Variants in CWC27 observed in about 807,000 individuals in gnomAD.
CWC27 encodes the protein CWC27 spliceosome associated cyclophilin.
In CWC27, 47 loss-of-function variants were observed where a neutral mutation model predicts 63.6. The observed-to-expected ratio is 0.74, with a 90% CI of 0.58 to 0.94. CWC27 has a LOEUF of 0.94. Among genes scored for constraint, CWC27 ranks in the 40% least tolerant of loss-of-function variants. The pLI, the probability that CWC27 is intolerant of heterozygous loss-of-function variation, is 0.00. For synonymous variants in CWC27, 175 were observed against 179.8 expected (o/e 0.97, Z 0.22); for missense variants, 495 against 554.3 (o/e 0.89, Z 1.07).
chr5:64,913,864 G>A (rs1747839381), intron 11 of CWC27, among the ~76,000 whole-genome samples: 2 of 152,034 alleles, frequency 1.3e-5, no homozygotes, highest in Admixed American at 6.5e-5. Context: ...ATAGGGAAAT[G>A]TAAGCAGCAA....
intron 10 of CWC27, among the ~76,000 whole-genome samples, chr5:64,838,364 C>T (rs1445029307): frequency 6.6e-6 from 1 of 152,092 alleles, no homozygotes; most frequent in African/African-American, 2.4e-5. Context: ...AGATAAACAG[C>T]TGCTAATAAC....
chr5:64,770,815 C>T (rs1443036810), intron 1 of CWC27, among the ~76,000 whole-genome samples: 2 of 152,158 alleles, frequency 1.3e-5, no homozygotes, highest in African/African-American at 2.4e-5. Flanking sequence ...TACTGCTGGT[C>T]AAGGACAGAC....
intron 10 of CWC27, among the ~76,000 whole-genome samples, chr5:64,876,514 C>G (rs995525281): frequency 2.0e-5 from 3 of 152,056 alleles, no homozygotes; most frequent in African/African-American, 7.2e-5. Context: ...TGTGTTTAGC[C>G]ATCAGCTTGT....
chr5:64,970,445 C>G (rs1444277345), intron 11 of CWC27, among the ~76,000 whole-genome samples: 1 of 152,002 alleles, frequency 6.6e-6, no homozygotes, highest in Non-Finnish European at 1.5e-5. Context: ...ATCTTCTGAC[C>G]TCGTGATCCG....
At chr5:64,804,915 T>C (rs754287277) in intron 10 of CWC27, 3 of 131,864 alleles carry the variant, frequency 2.3e-5, no homozygotes, top group African/African-American at 6.1e-5. Flanking sequence ...GTTTACTGTC[T>C]GGTGATGAAA....
chr5:64,977,854 C>T (rs549780089), intron 13 of CWC27, among the ~76,000 whole-genome samples: 53 of 152,102 alleles, frequency 3.5e-4, no homozygotes, highest in Admixed American at 1.0e-3. Context: ...CTTTATCACA[C>T]CCCTCTGTCC....
chr5:64,832,561 ACTATCATACTTATGTCTGCAGTAGAAGTG>A (rs1745552507), intron 10 of CWC27, among the ~76,000 whole-genome samples: 1 of 151,864 alleles, frequency 6.6e-6, no homozygotes, highest in East Asian at 1.9e-4. Flanking sequence ...CTTCAAAACA[ACTATCATACTTATGTCTGCAGTAGAAGTG>A]CTTTGTGCAT....
intron 5 of CWC27, among the ~76,000 whole-genome samples, chr5:64,785,811 A>G (rs907033234): frequency 2.0e-5 from 3 of 152,190 alleles, no homozygotes; most frequent in African/African-American, 7.2e-5. Flanking sequence ...AGCTTACCTC[A>G]TAATGGAAAG....
At chr5:64,849,953 A>G (rs1158285553) in intron 10 of CWC27, among the ~76,000 whole-genome samples, 3 of 152,302 alleles carry the variant, frequency 2.0e-5, no homozygotes, top group East Asian at 3.8e-4. Flanking sequence ...AGTCTCAGGT[A>G]GTTCTTTATA....
intron 10 of CWC27, among the ~76,000 whole-genome samples, chr5:64,806,384 T>G (rs1744671467): frequency 6.6e-6 from 1 of 152,100 alleles, no homozygotes; most frequent in Non-Finnish European, 1.5e-5. Flanking sequence ...TAAACATGAG[T>G]ATTGTGGACA....
Position 64,816,323 on chromosome 5 carries a change from C to G in CWC27, c.938+11937C>G, listed in dbSNP as rs529275411. Among the ~76,000 whole-genome samples the G allele has an allele frequency of 5.0e-4, 76 of 152,248 alleles. 2 individuals are homozygous for G. Among genetic ancestry groups the G allele is most frequent in the African/African-American group, 1.5e-3 (62 of 41,556 alleles). Reference sequence around the variant, plus strand: ...GATGGGTAGCTCCTCCAACATCTATCCTTCCTTCCCTCTTACCAGAATGCC... The same window carrying G: ...GATGGGTAGCTCCTCCAACATCTATGCTTCCTTCCCTCTTACCAGAATGCC... On this transcript the variant is annotated intron_variant, in intron 10 of 13. Coordinates refer to ENST00000381070, the MANE Select transcript of CWC27 (RefSeq NM_005869.4).
chr5:64,772,728 G>A (rs1358222343), intron 1 of CWC27, among the ~76,000 whole-genome samples: 1 of 150,650 alleles, frequency 6.6e-6, no homozygotes, highest in Non-Finnish European at 1.5e-5. Flanking sequence ...ATGAGATCAG[G>A]AGCTCGAGAC....
intron 13 of CWC27, among the ~76,000 whole-genome samples, chr5:64,989,136 A>T (rs984629755): frequency 2.6e-5 from 4 of 152,212 alleles, no homozygotes; most frequent in Admixed American, 2.6e-4. Context: ...TGGGATAGAA[A>T]AGAAAGGGGG....
At chr5:64,825,022 G>A (rs932064393) in intron 10 of CWC27, among the ~76,000 whole-genome samples, 7 of 152,006 alleles carry the variant, frequency 4.6e-5, no homozygotes, top group East Asian at 3.9e-4. Flanking sequence ...ATGAGCCACC[G>A]CACCCGGCCA....
intron 7 of CWC27, among the ~76,000 whole-genome samples, chr5:64,790,746 T>G (rs1237321749): frequency 2.0e-5 from 3 of 152,166 alleles, no homozygotes; most frequent in Non-Finnish European, 4.4e-5. Flanking sequence ...ATCAAAACAT[T>G]TATCCTACTG....
intron 11 of CWC27, among the ~76,000 whole-genome samples, chr5:64,924,956 GACACACACACAC>G (rs36083384): frequency 5.6e-4 from 82 of 145,554 alleles, no homozygotes; most frequent in Middle Eastern, 3.5e-3. Context: ...GTCTTTCTTA[GACACACACACAC>G]ACACACACAC....
chr5:64,972,698 A>G (rs1749149268), intron 12 of CWC27: 2 of 453,676 alleles, frequency 4.4e-6, no homozygotes, highest in Non-Finnish European at 8.9e-6. Flanking sequence ...AGTCTTCTAA[A>G]TAGCAACCAT....
intron 10 of CWC27, among the ~76,000 whole-genome samples, chr5:64,831,623 T>C (rs543075217): frequency 1.8e-4 from 27 of 151,996 alleles, no homozygotes; most frequent in Admixed American, 1.5e-3. Context: ...TTTATGTTGA[T>C]TACCTGGGTG....
At chr5:64,955,087 T>A (rs898417780) in intron 11 of CWC27, among the ~76,000 whole-genome samples, 3 of 152,138 alleles carry the variant, frequency 2.0e-5, no homozygotes, top group Admixed American at 6.6e-5. Context: ...ATGAAAAATA[T>A]GATATCTACT....
Sources: allele counts gnomAD v4.1 joint callset (sites outside exome capture counted in the v4.1 genomes callset), GRCh38; gene constraint gnomAD v4.1.1; transcripts MANE v1.5; gene names NCBI Gene and HGNC (gene_info 2026-07-23, HGNC 2026-07-21).